RPS6KA5: variants seen among roughly 807,000 people sequenced by gnomAD.
The protein encoded by RPS6KA5 is ribosomal protein S6 kinase alpha-5.
RPS6KA5 carries 27 observed loss-of-function variants against 85.5 expected under a neutral mutation model. The ratio of observed to expected loss-of-function variants is 0.32; its 90% CI spans 0.23 to 0.44. The LOEUF (loss-of-function observed/expected upper bound fraction) is 0.44. RPS6KA5 is among the 20% of genes least tolerant of loss of function. The pLI, the probability that RPS6KA5 is intolerant of heterozygous loss-of-function variation, is 1.00. For synonymous variants in RPS6KA5, 334 were observed against 348.2 expected, an observed-to-expected ratio of 0.96 and a Z score of 0.46; for missense variants, 811 against 980.9, an observed-to-expected ratio of 0.83 and a Z score of 2.31.
chr14:90,900,487 C>T (rs940691588), intron 10 of RPS6KA5, 124 bp downstream of exon 10: 1 of 940,350 alleles, frequency 1.1e-6, no homozygotes. Context: ...GAAAATATTG[C>T]TATATCCCAC....
chr14:90,875,957 A>T (rs2033442870), intron 14 of RPS6KA5, among the ~76,000 whole-genome samples: 1 of 151,638 alleles, frequency 6.6e-6, no homozygotes, highest in Admixed American at 6.6e-5. Context: ...ATGCTAAATG[A>T]TGAGTTAATG....
chr14:90,991,701 C>CA (rs57545603), intron 2 of RPS6KA5, among the ~76,000 whole-genome samples: 2,590 of 85,912 alleles, frequency 0.03, 124 homozygotes, highest in Admixed American at 0.076. Flanking sequence ...GACTCCATCT[C>CA]AAAAAAAAAA....
chr14:90,996,730 A>C (rs1340981252), intron 2 of RPS6KA5, among the ~76,000 whole-genome samples: 1 of 152,204 alleles, frequency 6.6e-6, no homozygotes, highest in African/African-American at 2.4e-5. Context: ...TAAAACTTTA[A>C]TATGAAAAAA....
At chr14:90,993,736 A>G (rs759237880) in intron 2 of RPS6KA5, among the ~76,000 whole-genome samples, 6 of 152,216 alleles carry the variant, frequency 3.9e-5, no homozygotes, top group East Asian at 1.9e-4. Context: ...ATGTATCTAC[A>G]TAAGAATTTC....
At position 90,947,493 on chromosome 14, in the gene RPS6KA5, T is replaced by A. The variant is rs1240941638; in HGVS notation, c.452A>T (p.Glu151Val). The A allele has an allele frequency of 6.2e-7, 1 of 1,613,162 alleles. No homozygotes were observed. The highest frequency in any genetic ancestry group is 1.7e-5 in the Admixed American group (1 of 60,010). ...THLSQRERFT[E>V]HEVQIYVGEI... The stretch of plus-strand genomic sequence containing the variant: ...TCCAACATAAATCTGCACCTCATGC[T>A]CTGTGAAACGCTCTCTTTGAGAAAG... Residue 151 changes from glutamate (E) to valine (V), a missense_variant, in exon 4 of 17, where the codon GAG becomes GTG. Glu to Val is a moderately radical substitution (Grantham distance 121). Transcript: ENST00000614987.
intron 1 of RPS6KA5, among the ~76,000 whole-genome samples, chr14:91,030,228 C>T (rs116647595): frequency 1.4e-3 from 214 of 152,222 alleles, no homozygotes; most frequent in African/African-American, 5.0e-3. Context: ...TCCTCACACT[C>T]GTAACACTTA....
intron 4 of RPS6KA5, among the ~76,000 whole-genome samples, chr14:90,946,987 A>C (rs999428631): frequency 6.6e-6 from 1 of 152,196 alleles, no homozygotes; most frequent in African/African-American, 2.4e-5. Context: ...AAACAAATGG[A>C]AAAGAAAGCC....
intron 1 of RPS6KA5, among the ~76,000 whole-genome samples, chr14:91,011,904 G>A (rs549533429): frequency 3.8e-4 from 58 of 152,204 alleles, no homozygotes; most frequent in African/African-American, 1.4e-3. Context: ...AGAAAAAAAG[G>A]AGAACAATTA....
At chr14:91,004,363 G>A (rs965974453) in intron 1 of RPS6KA5, among the ~76,000 whole-genome samples, 1 of 151,776 alleles carries the variant, frequency 6.6e-6, no homozygotes, top group South Asian at 2.1e-4. Context: ...GAGCCACCGC[G>A]CCTTCACTTT....
chr14:91,034,607 T>A (rs560280945), intron 1 of RPS6KA5, among the ~76,000 whole-genome samples: 1 of 152,120 alleles, frequency 6.6e-6, no homozygotes, highest in Admixed American at 6.6e-5. Flanking sequence ...CAGCATGACA[T>A]GGGCAGCAAC....
intron 5 of RPS6KA5, among the ~76,000 whole-genome samples, chr14:90,928,304 C>G (rs2036791531): frequency 6.6e-6 from 1 of 152,024 alleles, no homozygotes; most frequent in Admixed American, 6.6e-5. Flanking sequence ...TAAAAATTCA[C>G]AGCTTTATTT....
intron 5 of RPS6KA5, among the ~76,000 whole-genome samples, chr14:90,925,641 C>T (rs2036616979): frequency 1.3e-5 from 2 of 152,010 alleles, no homozygotes; most frequent in Non-Finnish European, 2.9e-5. Context: ...CTAGACTCCA[C>T]AGACACAACA....
intron 1 of RPS6KA5, among the ~76,000 whole-genome samples, chr14:91,031,291 T>C (rs1482346004): frequency 6.6e-6 from 1 of 152,102 alleles, no homozygotes; most frequent in East Asian, 1.9e-4. Context: ...TATGAGAACA[T>C]AATGAAGACA....
chr14:90,853,041 ATT>A lies in RPS6KA5; in HGVS notation c.*19031_*19032del, dbSNP rs1294714622. The A allele has an allele frequency of 2.6e-5, 4 of 152,258 alleles. No individual in the cohort carries two copies. The highest frequency in any genetic ancestry group is 2.6e-4 in the Admixed American group (4 of 15,292). The allele number at this position is 152,258 out of a possible 1,614,324, so 9.4% of individuals were successfully genotyped here. On this transcript the variant is annotated 3_prime_UTR_variant, in exon 17 of 17. Coordinates refer to ENST00000614987, the MANE Select transcript of RPS6KA5 (RefSeq NM_004755.4). Reference sequence around the variant, plus strand: ...CCACCGTGCCCGGCCTGGGAGAAACATTTTTAAGTGTGCAAAGCAGTCACAAT... The same window carrying A: ...CCACCGTGCCCGGCCTGGGAGAAACATTTAAGTGTGCAAAGCAGTCACAAT...
intron 9 of RPS6KA5, among the ~76,000 whole-genome samples, chr14:90,902,028 TA>T (rs2035198788): frequency 6.7e-6 from 1 of 148,230 alleles, no homozygotes; most frequent in Admixed American, 6.8e-5. Context: ...AATTTTTTTT[TA>T]ATTAGGTGGG....
At chr14:90,961,165 A>C (rs1240345807) in intron 3 of RPS6KA5, among the ~76,000 whole-genome samples, 1 of 152,250 alleles carries the variant, frequency 6.6e-6, no homozygotes, top group Non-Finnish European at 1.5e-5. Flanking sequence ...CACTTCTTTC[A>C]TGCCTGTTCT....
chr14:91,056,691 G>A (rs1310504732), intron 1 of RPS6KA5, among the ~76,000 whole-genome samples: 1 of 152,016 alleles, frequency 6.6e-6, no homozygotes, highest in Non-Finnish European at 1.5e-5. Flanking sequence ...CAGTATGTAA[G>A]AGGAAATAAA....
chr14:91,017,197 T>C (rs192507078), intron 1 of RPS6KA5, among the ~76,000 whole-genome samples: 11 of 152,332 alleles, frequency 7.2e-5, no homozygotes, highest in African/African-American at 2.4e-4. Context: ...TATGGCATCA[T>C]TGCTGACAAT....
chr14:91,022,658 T>C (rs1462207174), intron 1 of RPS6KA5, among the ~76,000 whole-genome samples: 1 of 152,218 alleles, frequency 6.6e-6, no homozygotes, highest in Non-Finnish European at 1.5e-5. Context: ...TGTGTTACAT[T>C]TCAAGGAACT....
Sources: allele counts gnomAD v4.1 joint callset (sites outside exome capture counted in the v4.1 genomes callset), GRCh38; gene constraint gnomAD v4.1.1; transcripts MANE v1.5; gene names NCBI Gene and HGNC (gene_info 2026-07-23, HGNC 2026-07-21).